SMIM41: variants seen among roughly 807,000 people sequenced by gnomAD.
SMIM41 encodes the protein small integral membrane protein 41.
chr12:52,086,817 C>T (rs1939901026), intron 2 of SMIM41, among the ~76,000 whole-genome samples: 1 of 152,246 alleles, frequency 6.6e-6, no homozygotes, highest in African/African-American at 2.4e-5. Flanking sequence ...GCCCCACTTC[C>T]AGTGTAGATT....
chr12:52,084,868 G>A (rs989883330), intron 2 of SMIM41: 1 of 152,348 alleles, frequency 6.6e-6, no homozygotes, highest in African/African-American at 2.4e-5. Flanking sequence ...GAAGTAGAGA[G>A]GAGGCAAGGA....
rs1332832422 is a variant in SMIM41, at chr12:52,081,665, C to G, written c.*120+1484C>G. Among the ~76,000 whole-genome samples the G allele has an allele frequency of 6.6e-6, 1 of 152,150 alleles. No individual in the cohort carries two copies. The highest frequency in any genetic ancestry group is 1.5e-5 in the Non-Finnish European group (1 of 68,004). Reference sequence around the variant, plus strand: ...TTGCTGGGGGAGAGGGTGGGAACTTCCTCTCTTGATTGTACCCGGTTTCAC... The same window carrying G: ...TTGCTGGGGGAGAGGGTGGGAACTTGCTCTCTTGATTGTACCCGGTTTCAC... On this transcript the variant is annotated intron_variant, in intron 1 of 2. Transcript: ENST00000546390. The surrounding 1 kb of genome is among the most constrained non-coding windows in gnomAD (Gnocchi z 4.1).
chr12:52,091,452 C>T (rs1940003141), intron 2 of SMIM41, among the ~76,000 whole-genome samples: 1 of 152,228 alleles, frequency 6.6e-6, no homozygotes, highest in South Asian at 2.1e-4. Flanking sequence ...TGACTTTGAA[C>T]CCATTCCTTG....
intron 2 of SMIM41, among the ~76,000 whole-genome samples, chr12:52,084,519 A>G (rs150268709): frequency 2.6e-5 from 4 of 152,346 alleles, no homozygotes; most frequent in African/African-American, 9.6e-5. Flanking sequence ...CCAGAGTGAA[A>G]GAGCCGAGAG....
At chr12:52,100,088 C>A (rs1038723746) in intron 2 of SMIM41, among the ~76,000 whole-genome samples, 1 of 142,560 alleles carries the variant, frequency 7.0e-6, no homozygotes, top group Non-Finnish European at 1.5e-5. Context: ...ATCCTCTCCC[C>A]CCCCGGATAT....
Position 52,084,322 on chromosome 12 carries a change from G to C in SMIM41, c.*195+354G>C, listed in dbSNP as rs553856620. ...GCCGCGATCGTGCCACTACACTCCAGCCTGGGTGACAAAGCAAGACTCCAT... is the reference window on the plus strand; with the variant it reads ...GCCGCGATCGTGCCACTACACTCCACCCTGGGTGACAAAGCAAGACTCCAT... On this transcript the variant is annotated intron_variant, in intron 2 of 2. Transcript: ENST00000546390. Among the ~76,000 whole-genome samples, 244 of 151,476 alleles carry C rather than the reference G, an allele frequency of 1.6e-3. 1 individual carries two copies. Among genetic ancestry groups the C allele is most frequent in the African/African-American group, 4.9e-3 (202 of 41,232 alleles).
chr12:52,102,703 T>C (rs1350502266), intron 2 of SMIM41, among the ~76,000 whole-genome samples: 1 of 152,150 alleles, frequency 6.6e-6, no homozygotes, highest in African/African-American at 2.4e-5. Context: ...ATGGATATGA[T>C]AAACAAGCAT....
chr12:52,091,583 G>C (rs1415489381), intron 2 of SMIM41, among the ~76,000 whole-genome samples: 2 of 152,234 alleles, frequency 1.3e-5, no homozygotes, highest in Non-Finnish European at 2.9e-5. Flanking sequence ...AGCTCTGTTA[G>C]GATGGGGATT....
chr12:52,105,499 T>A (rs1940317420), intron 2 of SMIM41, among the ~76,000 whole-genome samples: 1 of 152,192 alleles, frequency 6.6e-6, no homozygotes, highest in Non-Finnish European at 1.5e-5. Flanking sequence ...ACGCCTGTAA[T>A]CCCAGCACTT....
At chr12:52,083,588 G>GC (rs1939848540) in intron 1 of SMIM41, among the ~76,000 whole-genome samples, 1 of 152,142 alleles carries the variant, frequency 6.6e-6, no homozygotes. Flanking sequence ...GCACTCGGCT[G>GC]CCCCCCTGTG....
intron 2 of SMIM41, among the ~76,000 whole-genome samples, chr12:52,084,351 A>G (rs191646064): frequency 3.8e-4 from 58 of 150,952 alleles, no homozygotes; most frequent in African/African-American, 1.3e-3. Flanking sequence ...ACTCCATCTC[A>G]AAACAACAAC....
intron 2 of SMIM41, among the ~76,000 whole-genome samples, chr12:52,090,036 G>A (rs558942931): frequency 6.6e-6 from 1 of 151,928 alleles, no homozygotes; most frequent in South Asian, 2.1e-4. Flanking sequence ...GGAATCATCA[G>A]GAAGTGTTGC....
At chr12:52,091,797 T>C (rs1940008950) in intron 2 of SMIM41, among the ~76,000 whole-genome samples, 1 of 152,172 alleles carries the variant, frequency 6.6e-6, no homozygotes, top group Admixed American at 6.5e-5. Context: ...CGGAGGCACA[T>C]TGGAGTTGGT....
chr12:52,101,862 G>A (rs1483081069), intron 2 of SMIM41, among the ~76,000 whole-genome samples: 2 of 152,050 alleles, frequency 1.3e-5, no homozygotes, highest in African/African-American at 2.4e-5. Context: ...ACAGGCATGC[G>A]CCAGCACACC....
Position 52,079,851 on chromosome 12 carries a change from G to A in SMIM41, c.72G>A (p.Ser24=). The change falls in exon 1 of 3, where the codon TCG becomes TCA. Residue 24 remains serine, a synonymous_variant. Transcript: ENST00000546390. ...GCTCCTGCTGTAACCAGTCGGCGTC[G>A]CCGCCGGAGCCCCCCGAGGGGCCGC... The part of the protein sequence containing the change: ...WLSSCCNQSA[S]PPEPPEGPRA... 1 of 392,890 alleles carries A rather than the reference G, an allele frequency of 2.5e-6. No homozygotes were observed. The highest frequency in any genetic ancestry group is 4.5e-6 in the Non-Finnish European group (1 of 222,274). 24.3% of individuals were successfully genotyped at this position (392,890 alleles called of 1,614,324 possible).
chr12:52,103,590 C>G (rs1336455349), intron 2 of SMIM41, among the ~76,000 whole-genome samples: 1 of 151,868 alleles, frequency 6.6e-6, no homozygotes, highest in Non-Finnish European at 1.5e-5. Flanking sequence ...GAAAGCTTGT[C>G]TCTATTAAAA....
intron 2 of SMIM41, among the ~76,000 whole-genome samples, chr12:52,089,613 A>AAAACAAAACC (rs981052692): frequency 1.3e-5 from 2 of 151,872 alleles, no homozygotes; most frequent in African/African-American, 4.8e-5. Context: ...AAAACAAAAC[A>AAAACAAAACC]AAACAAAACA....
intron 2 of SMIM41, chr12:52,092,638 C>G (rs1940024382): frequency 1.3e-5 from 2 of 152,150 alleles, no homozygotes; most frequent in Admixed American, 1.3e-4. Context: ...TCTCATGGGA[C>G]CACCATTCCA....
Position 52,098,164 on chromosome 12 carries a change from A to G in SMIM41, c.*196-9215A>G, listed in dbSNP as rs186825672. On this transcript the variant is annotated intron_variant, in intron 2 of 2. Coordinates refer to ENST00000546390, the MANE Select transcript of SMIM41 (RefSeq NM_001369216.1). Reference sequence around the variant, plus strand: ...GATGTACAACTTCTGAGATATTGGGAGTGATATCATCCTCTCCCCTCTGGA... The same window carrying G: ...GATGTACAACTTCTGAGATATTGGGGGTGATATCATCCTCTCCCCTCTGGA... 5.2e-3 allele frequency among the ~76,000 whole-genome samples: 799 copies of G among 152,228 alleles called. 6 individuals are homozygous for G. The highest frequency in any genetic ancestry group is 0.018 in the African/African-American group (767 of 41,518).
Sources: gnomAD v4.1 joint callset for allele counts (sites outside exome capture counted in the v4.1 genomes callset) on GRCh38, gnomAD v4.1.1 for gene constraint, Gnocchi (gnomAD v3.1) non-coding constraint, MANE v1.5 for transcripts, NCBI Gene and HGNC (gene_info 2026-07-23, HGNC 2026-07-21) for gene names.